The following DPYD variants were observed in gnomAD, a reference collection of about 807,000 sequenced individuals.
DPYD encodes the protein dihydropyrimidine dehydrogenase.
Under a neutral mutation model 116.2 loss-of-function variants are expected in DPYD, and 109 were observed. The observed-to-expected ratio is 0.94, with a 90% CI of 0.80 to 1.10. The LOEUF (loss-of-function observed/expected upper bound fraction) is 1.10, where lower values mean the gene tolerates loss of function less well. Ranked by LOEUF, DPYD falls within the 50% of genes least tolerant of loss-of-function variation. The pLI, the probability that DPYD is intolerant of heterozygous loss-of-function variation, is 0.00. For missense variants in DPYD, 1,302 were observed against 1,254.5 expected (o/e 1.04, Z -0.57); for synonymous variants, 440 against 432.0 (o/e 1.02, Z -0.23).
chr1:97,183,725 A>G (rs1314633676), intron 20 of DPYD, among the ~76,000 whole-genome samples: 1 of 152,036 alleles, frequency 6.6e-6, no homozygotes, highest in Non-Finnish European at 1.5e-5. Context: ...ATATCTTACC[A>G]TTATTTTAAG....
chr1:97,496,527 T>C (rs867903432), intron 13 of DPYD, among the ~76,000 whole-genome samples: 1 of 152,100 alleles, frequency 6.6e-6, no homozygotes, highest in Non-Finnish European at 1.5e-5. Context: ...GCCTTTATTA[T>C]GTGGTTCCAT....
At chr1:97,527,982 G>T (rs1328283119) in intron 12 of DPYD, among the ~76,000 whole-genome samples, 1 of 151,972 alleles carries the variant, frequency 6.6e-6, no homozygotes, top group African/African-American at 2.4e-5. Flanking sequence ...GCCCTATCTT[G>T]GAGTACAGCT....
intron 8 of DPYD, among the ~76,000 whole-genome samples, chr1:97,655,090 T>G (rs917034112): frequency 6.6e-6 from 1 of 151,998 alleles, no homozygotes; most frequent in African/African-American, 2.4e-5. Context: ...AAGATGAGGT[T>G]TGGGTGAGGA....
chr1:97,274,232 G>T (rs187537006), intron 18 of DPYD, among the ~76,000 whole-genome samples: 1 of 152,034 alleles, frequency 6.6e-6, no homozygotes, highest in African/African-American at 2.4e-5. Context: ...TGTAATCCCC[G>T]CTGTCAGAGG....
intron 12 of DPYD, among the ~76,000 whole-genome samples, chr1:97,540,717 T>A (rs1274262879): frequency 6.6e-6 from 1 of 152,142 alleles, no homozygotes; most frequent in African/African-American, 2.4e-5. Flanking sequence ...GCCCCTTGAC[T>A]CTCCCCGGAG....
chr1:97,489,747 A>G (rs1450826402), intron 13 of DPYD, among the ~76,000 whole-genome samples: 1 of 152,216 alleles, frequency 6.6e-6, no homozygotes, highest in Non-Finnish European at 1.5e-5. Flanking sequence ...AAATTACAAT[A>G]TTCCTATTTC....
At chr1:97,700,991 GAAAC>G (rs1207047749) in intron 5 of DPYD, among the ~76,000 whole-genome samples, 1 of 150,818 alleles carries the variant, frequency 6.6e-6, no homozygotes, top group African/African-American at 2.4e-5. Flanking sequence ...AGGAAACAAA[GAAAC>G]AAATGGTAAG....
chr1:97,487,136 T>C (rs904462152), intron 13 of DPYD, among the ~76,000 whole-genome samples: 1 of 152,142 alleles, frequency 6.6e-6, no homozygotes, highest in Admixed American at 6.5e-5. Flanking sequence ...AAATTAAAGA[T>C]GACCAATTTC....
intron 3 of DPYD, among the ~76,000 whole-genome samples, chr1:97,820,683 G>A (rs1412126221): frequency 5.9e-5 from 9 of 151,994 alleles, no homozygotes; most frequent in Admixed American, 6.6e-5. Context: ...AAAGCCAAGC[G>A]AAAAAGAATA....
chr1:97,263,926 G>C (rs146239617), intron 18 of DPYD, among the ~76,000 whole-genome samples: 425 of 152,042 alleles, frequency 2.8e-3, no homozygotes, highest in Middle Eastern at 6.8e-3. Context: ...CCCTTCATTT[G>C]ATGATCAAAA....
intron 13 of DPYD, among the ~76,000 whole-genome samples, chr1:97,500,406 TTA>T (rs1358116312): frequency 6.6e-6 from 1 of 152,016 alleles, no homozygotes; most frequent in Non-Finnish European, 1.5e-5. Flanking sequence ...TCTAATATTT[TTA>T]TGATTCACAG....
intron 11 of DPYD, 30 bp downstream of exon 11, chr1:97,573,730 C>A (rs1458769178): frequency 1.9e-6 from 3 of 1,612,406 alleles, no homozygotes; most frequent in Non-Finnish European, 2.5e-6. Context: ...CAGACAATTG[C>A]ATCACACATT....
At chr1:97,773,368 T>C (rs925449275) in intron 3 of DPYD, among the ~76,000 whole-genome samples, 3 of 148,294 alleles carry the variant, frequency 2.0e-5, no homozygotes, top group South Asian at 4.4e-4. Context: ...TTAATTCATA[T>C]TTACTAATGA....
chr1:97,504,901 G>A (rs115191210), intron 13 of DPYD, among the ~76,000 whole-genome samples: 3,251 of 148,172 alleles, frequency 0.022, 41 homozygotes, highest in Non-Finnish European at 0.031. Context: ...GGGGGGTGGG[G>A]TGGAGTTTAA....
chr1:97,292,884 T>C (rs1570448049), intron 18 of DPYD, among the ~76,000 whole-genome samples: 1 of 152,194 alleles, frequency 6.6e-6, no homozygotes, highest in African/African-American at 2.4e-5. Flanking sequence ...TTCATTTCTA[T>C]TATGTTTTCA....
intron 2 of DPYD, among the ~76,000 whole-genome samples, chr1:97,831,011 T>TTG (rs1669516272): frequency 6.6e-6 from 1 of 152,210 alleles, no homozygotes; most frequent in Admixed American, 6.5e-5. Flanking sequence ...GTTTTACACT[T>TTG]TGTGTCTGCA....
chr1:97,885,804 T>C lies in DPYD; in HGVS notation c.40-2430A>G, dbSNP rs147416548. ...ACTTATATTGAACCTGATCCAAAGA[T>C]GAGGGCTATATTTAAAAGTCACTTT... On this transcript the variant is annotated intron_variant, in intron 1 of 22. Coordinates refer to ENST00000370192, the MANE Select transcript of DPYD (RefSeq NM_000110.4). Among the ~76,000 whole-genome samples the C allele has an allele frequency of 1.7e-3, 263 of 152,174 alleles. 1 individual carries two copies. The highest frequency in any genetic ancestry group is 6.3e-3 in the African/African-American group (261 of 41,570).
intron 14 of DPYD, among the ~76,000 whole-genome samples, chr1:97,442,129 C>T (rs987765664): frequency 6.6e-6 from 1 of 151,972 alleles, no homozygotes; most frequent in Admixed American, 6.6e-5. Flanking sequence ...CAAGAGAACA[C>T]CTGCAGGTCT....
intron 14 of DPYD, among the ~76,000 whole-genome samples, chr1:97,404,217 A>C (rs74229081): frequency 0.044 from 6,680 of 152,140 alleles, 262 homozygotes; most frequent in East Asian, 0.17. Context: ...AATGTGGTCT[A>C]TCTTGGTGAA....
Sources: allele counts gnomAD v4.1 joint callset (sites outside exome capture counted in the v4.1 genomes callset), GRCh38; gene constraint gnomAD v4.1.1; transcripts MANE v1.5; gene names NCBI Gene and HGNC (gene_info 2026-07-23, HGNC 2026-07-21).